SYNDIG1: variants seen among roughly 807,000 people sequenced by gnomAD.
SYNDIG1 encodes synapse differentiation inducing 1.
A neutral mutation model predicts 19.4 loss-of-function variants in SYNDIG1; 9 were observed. That is an observed-to-expected ratio of 0.46 (90% CI 0.28 to 0.81). The LOEUF is 0.81. Ranked by LOEUF, SYNDIG1 falls within the 30% of genes least tolerant of loss-of-function variation. The pLI is 0.12. For synonymous variants in SYNDIG1, 141 were observed against 145.9 expected (o/e 0.97, Z 0.24); for missense variants, 311 against 343.3 (o/e 0.91, Z 0.74).
intron 3 of SYNDIG1, among the ~76,000 whole-genome samples, chr20:24,600,866 T>G (rs2058669672): frequency 6.6e-6 from 1 of 152,110 alleles, no homozygotes; most frequent in Non-Finnish European, 1.5e-5. Context: ...CTGCCTGCCT[T>G]GGCCTCCCAA....
intron 2 of SYNDIG1, among the ~76,000 whole-genome samples, chr20:24,547,883 C>T (rs185640950): frequency 5.3e-5 from 8 of 152,338 alleles, no homozygotes; most frequent in Admixed American, 3.9e-4. Context: ...TGACCACCCT[C>T]CTGCCCTTAG....
chr20:24,636,286 T>C (rs2059314580), intron 3 of SYNDIG1, among the ~76,000 whole-genome samples: 1 of 152,176 alleles, frequency 6.6e-6, no homozygotes, highest in Non-Finnish European at 1.5e-5. Context: ...AGGTTCATTG[T>C]CTCGTGCCAA....
intron 3 of SYNDIG1, among the ~76,000 whole-genome samples, chr20:24,600,075 A>G (rs2058656793): frequency 6.6e-6 from 1 of 152,242 alleles, no homozygotes; most frequent in Non-Finnish European, 1.5e-5. Context: ...ATGCTACAGT[A>G]TACAGTCATT....
intron 3 of SYNDIG1, among the ~76,000 whole-genome samples, chr20:24,586,271 G>GT (rs923797763): frequency 2.6e-5 from 4 of 152,168 alleles, no homozygotes; most frequent in African/African-American, 9.7e-5. Flanking sequence ...AGGCTGAGCA[G>GT]TTTTTCCAGA....
intron 1 of SYNDIG1, among the ~76,000 whole-genome samples, chr20:24,510,818 A>G (rs770491635): frequency 9.9e-5 from 15 of 152,228 alleles, no homozygotes; most frequent in East Asian, 7.7e-4. Flanking sequence ...TGGATTTTCT[A>G]TTAGTAGATT....
At chr20:24,570,854 T>G (rs1185495352) in intron 2 of SYNDIG1, among the ~76,000 whole-genome samples, 1 of 152,234 alleles carries the variant, frequency 6.6e-6, no homozygotes, top group Non-Finnish European at 1.5e-5. Flanking sequence ...CATGTATTTC[T>G]AATAACTCAT....
intron 1 of SYNDIG1, among the ~76,000 whole-genome samples, chr20:24,490,701 A>G (rs1180379981): frequency 2.0e-5 from 3 of 152,208 alleles, no homozygotes; most frequent in African/African-American, 7.2e-5. Flanking sequence ...AGCTGTGGCT[A>G]GGACTCCTTA....
chr20:24,531,456 A>G (rs1169550874), intron 1 of SYNDIG1, among the ~76,000 whole-genome samples: 4 of 152,202 alleles, frequency 2.6e-5, no homozygotes, highest in African/African-American at 9.7e-5. Flanking sequence ...AGGTTCAGAA[A>G]AAAAGGAAAA....
intron 3 of SYNDIG1, among the ~76,000 whole-genome samples, chr20:24,626,409 G>A (rs895573656): frequency 4.0e-5 from 6 of 151,724 alleles, no homozygotes; most frequent in South Asian, 2.1e-4. Context: ...GGTCGTGGCC[G>A]GGCCGAGGCG....
chr20:24,654,720 C>T (rs1350384171), intron 3 of SYNDIG1, among the ~76,000 whole-genome samples: 1 of 149,602 alleles, frequency 6.7e-6, no homozygotes, highest in East Asian at 2.0e-4. Flanking sequence ...ATTCACTGAA[C>T]ATCAAAGCCC....
At chr20:24,561,768 G>A (rs912681218) in intron 2 of SYNDIG1, among the ~76,000 whole-genome samples, 5 of 152,334 alleles carry the variant, frequency 3.3e-5, no homozygotes, top group South Asian at 2.1e-4. Flanking sequence ...CTATCTAAGC[G>A]CTGGGCGTGC....
chr20:24,549,141 A>G (rs2057651722), intron 2 of SYNDIG1, among the ~76,000 whole-genome samples: 1 of 152,178 alleles, frequency 6.6e-6, no homozygotes, highest in Non-Finnish European at 1.5e-5. Flanking sequence ...TTCATGCTAC[A>G]GTGCTGTAGA....
At chr20:24,489,428 CAT>C (rs1452917557) in intron 1 of SYNDIG1, among the ~76,000 whole-genome samples, 4 of 151,740 alleles carry the variant, frequency 2.6e-5, no homozygotes, top group Non-Finnish European at 5.9e-5. Flanking sequence ...GACACAGACA[CAT>C]AGATACATGC....
In SYNDIG1 at chr20:24,653,152, G is replaced by A. The variant is rs1374617558; in HGVS notation, c.619-12194G>A. On this transcript the variant is annotated intron_variant, in intron 3 of 3. Coordinates refer to ENST00000376862, the MANE Select transcript of SYNDIG1 (RefSeq NM_024893.3). ...TATTTAAGTTATGGTAAAAGAATAA[G>A]ATGTGAAACCATGAAGGAAAAGAGA... Among the ~76,000 whole-genome samples, 5 of 152,208 alleles carry A rather than the reference G, an allele frequency of 3.3e-5. No homozygotes were observed. In the East Asian group the frequency reaches 9.7e-4, roughly 29 times the overall value.
At chr20:24,494,991 C>T (rs981483668) in intron 1 of SYNDIG1, among the ~76,000 whole-genome samples, 4 of 152,176 alleles carry the variant, frequency 2.6e-5, no homozygotes, top group East Asian at 1.9e-4. Context: ...ATAACCATGC[C>T]CTGGTCAGTT....
chr20:24,553,623 T>A (rs1416430284), intron 2 of SYNDIG1, among the ~76,000 whole-genome samples: 3 of 152,238 alleles, frequency 2.0e-5, no homozygotes, highest in African/African-American at 7.2e-5. Flanking sequence ...TAGTTGTAGA[T>A]ATGTGGCATT....
intron 3 of SYNDIG1, among the ~76,000 whole-genome samples, chr20:24,610,394 T>C (rs1341329605): frequency 6.6e-6 from 1 of 152,210 alleles, no homozygotes; most frequent in Admixed American, 6.5e-5. Flanking sequence ...CACGCAACGA[T>C]TCCGGATCAC....
chr20:24,478,466 C>T (rs1029069914), intron 1 of SYNDIG1, among the ~76,000 whole-genome samples: 27 of 152,226 alleles, frequency 1.8e-4, no homozygotes, highest in African/African-American at 6.5e-4. Flanking sequence ...GAGGCAGAGC[C>T]AGGGCACAGG....
intron 3 of SYNDIG1, among the ~76,000 whole-genome samples, chr20:24,646,258 A>C (rs1013536557): frequency 6.6e-6 from 1 of 152,178 alleles, no homozygotes; most frequent in African/African-American, 2.4e-5. Flanking sequence ...GCCTATACAC[A>C]TCAGTGATTT....
Sources: gnomAD v4.1 joint callset for allele counts (sites outside exome capture counted in the v4.1 genomes callset) on GRCh38, gnomAD v4.1.1 for gene constraint, MANE v1.5 for transcripts, NCBI Gene and HGNC (gene_info 2026-07-23, HGNC 2026-07-21) for gene names.